Variants in ATP11A observed in about 807,000 individuals in gnomAD.
ATP11A encodes ATPase phospholipid transporting 11A.
Under a neutral mutation model 154.4 loss-of-function variants are expected in ATP11A, and 81 were observed. That is an observed-to-expected ratio of 0.52 (90% confidence interval 0.44 to 0.63). The LOEUF (loss-of-function observed/expected upper bound fraction) is 0.63. Among genes scored for constraint, ATP11A ranks in the 30% least tolerant of loss-of-function variants. The pLI, the probability that ATP11A is intolerant of heterozygous loss-of-function variation, is 0.00. For missense variants in ATP11A, 1,316 were observed against 1,474.3 expected (o/e 0.89, Z 1.76); for synonymous variants, 623 against 585.9 (o/e 1.06, Z -0.91).
intron 2 of ATP11A, among the ~76,000 whole-genome samples, chr13:112,787,424 G>T (rs1424711319): frequency 1.6e-4 from 19 of 122,304 alleles, no homozygotes; most frequent in African/African-American, 7.3e-4. Context: ...CCCCTGTGGA[G>T]ACCTACTTAA....
chr13:112,842,698 G>A (rs549226935), intron 17 of ATP11A, among the ~76,000 whole-genome samples: 1 of 152,326 alleles, frequency 6.6e-6, no homozygotes, highest in African/African-American at 2.4e-5. Flanking sequence ...GCACGTTTGT[G>A]GTTATTGTAT....
chr13:112,776,482 C>T (rs1276040649), intron 1 of ATP11A, among the ~76,000 whole-genome samples: 2 of 152,242 alleles, frequency 1.3e-5, no homozygotes, highest in Admixed American at 1.3e-4. Flanking sequence ...GCTGCCTAAA[C>T]CATCTGGATA....
intron 5 of ATP11A, among the ~76,000 whole-genome samples, chr13:112,814,103 G>T (rs578186295): frequency 1.3e-5 from 2 of 149,904 alleles, no homozygotes; most frequent in African/African-American, 2.5e-5. Flanking sequence ...TGCTCTTGTT[G>T]CCCAGGCTGG....
chr13:112,837,616 C>T (rs1245596134), intron 16 of ATP11A, among the ~76,000 whole-genome samples: 1 of 152,228 alleles, frequency 6.6e-6, no homozygotes, highest in Non-Finnish European at 1.5e-5. Context: ...AAACCAGACA[C>T]TCCCAGGCTG....
At chr13:112,710,976 C>G (rs1175993170) in intron 1 of ATP11A, among the ~76,000 whole-genome samples, 3 of 139,132 alleles carry the variant, frequency 2.2e-5, no homozygotes, top group African/African-American at 7.6e-5. Context: ...CACCCACCCA[C>G]CCACCCACCG....
chr13:112,806,054 C>T (rs934730146), intron 3 of ATP11A, among the ~76,000 whole-genome samples, 159 bp from the exon 4 acceptor site: 2 of 151,882 alleles, frequency 1.3e-5, no homozygotes, highest in East Asian at 1.9e-4. Context: ...TGAAATAGGA[C>T]GATTGACTTG....
chr13:112,700,044 ATTT>A (rs5806957), intron 1 of ATP11A, among the ~76,000 whole-genome samples: 3 of 139,856 alleles, frequency 2.1e-5, no homozygotes, highest in Non-Finnish European at 3.1e-5. Flanking sequence ...GACAAAGGTA[ATTT>A]TTTTTTTTTT....
chr13:112,881,269 C>T, intron 29 of ATP11A: 1 of 992,764 alleles, frequency 1.0e-6, no homozygotes, highest in Non-Finnish European at 1.2e-6. Flanking sequence ...CATCCGGGGC[C>T]CCAGTGGGCT....
intron 16 of ATP11A, among the ~76,000 whole-genome samples, chr13:112,841,793 G>A (rs1566558340): frequency 1.3e-5 from 2 of 152,276 alleles, no homozygotes; most frequent in Non-Finnish European, 1.5e-5. Context: ...AGCGATCACA[G>A]TGTTACTGGA....
intron 5 of ATP11A, among the ~76,000 whole-genome samples, chr13:112,812,905 C>T (rs977351616): frequency 6.6e-6 from 1 of 152,322 alleles, no homozygotes; most frequent in East Asian, 1.9e-4. Context: ...ACGCCATTTC[C>T]TTTAATGATT....
intron 26 of ATP11A, 67 bp from the exon 27 acceptor site, chr13:112,873,506 C>T: frequency 1.6e-6 from 2 of 1,260,206 alleles, no homozygotes; most frequent in Non-Finnish European, 1.1e-6. Context: ...GCTCTCTGTC[C>T]TGCCCATCAC....
intron 17 of ATP11A, among the ~76,000 whole-genome samples, chr13:112,849,989 T>A (rs1233964989): frequency 2.0e-5 from 3 of 152,196 alleles, no homozygotes; most frequent in Non-Finnish European, 4.4e-5. Flanking sequence ...CAGGCACACA[T>A]AGACCCTGTC....
intron 1 of ATP11A, among the ~76,000 whole-genome samples, chr13:112,744,095 G>A (rs558532807): frequency 1.3e-5 from 2 of 152,326 alleles, no homozygotes; most frequent in South Asian, 2.1e-4. Flanking sequence ...CCTCTTTCAC[G>A]TAAGGAAGGC....
rs542839325 is a variant in ATP11A, at chr13:112,882,349, G to T, written c.*483G>T. ...TTGCTGTCACTGGGAGAGAAGAGCC[G>T]TCCAGGGACCCATGGTGGCCCACAT... On this transcript the variant is annotated 3_prime_UTR_variant, in exon 30 of 30. Coordinates refer to ENST00000375645, the MANE Select transcript of ATP11A (RefSeq NM_015205.3). This position sits in a 1 kb window ranked among gnomAD's most constrained non-coding sequence, Gnocchi z 5.1. 3 of 370,336 alleles carry T rather than the reference G, an allele frequency of 8.1e-6. No individual in the cohort carries two copies. The highest frequency in any genetic ancestry group is 2.1e-5 in the African/African-American group (1 of 47,802). 22.9% of individuals were successfully genotyped at this position (370,336 alleles called of 1,614,324 possible).
intron 1 of ATP11A, among the ~76,000 whole-genome samples, chr13:112,764,622 AC>A (rs1258428434): frequency 3.3e-5 from 5 of 152,254 alleles, no homozygotes; most frequent in Admixed American, 3.3e-4. Flanking sequence ...GCCGAAGAGG[AC>A]CTGGAAGCCC....
chr13:112,825,373 G>C (rs2078905799), intron 10 of ATP11A, 57 bp from the exon 11 acceptor site: 1 of 1,527,166 alleles, frequency 6.5e-7, no homozygotes, highest in Admixed American at 2.0e-5. Flanking sequence ...CTGTGAGAAG[G>C]AAGTGCAGAG....
At chr13:112,771,545 T>C (rs2139947206) in intron 1 of ATP11A, among the ~76,000 whole-genome samples, 1 of 152,326 alleles carries the variant, frequency 6.6e-6, no homozygotes, top group African/African-American at 2.4e-5. Flanking sequence ...GCATACTCCT[T>C]TGGAAACTTA....
chr13:112,782,969 T>C (rs2077536315), intron 1 of ATP11A, among the ~76,000 whole-genome samples: 1 of 152,228 alleles, frequency 6.6e-6, no homozygotes, highest in Non-Finnish European at 1.5e-5. Context: ...CAGCCAAACA[T>C]CTCTGAAAAC....
At chr13:112,759,052 A>T (rs2076907854) in intron 1 of ATP11A, among the ~76,000 whole-genome samples, 1 of 152,222 alleles carries the variant, frequency 6.6e-6, no homozygotes, top group East Asian at 1.9e-4. Context: ...CATAACACCA[A>T]ATACTTCTCT....
Sources: gnomAD v4.1 joint callset for allele counts (sites outside exome capture counted in the v4.1 genomes callset) on GRCh38, gnomAD v4.1.1 for gene constraint, Gnocchi (gnomAD v3.1) non-coding constraint, MANE v1.5 for transcripts, NCBI Gene and HGNC (gene_info 2026-07-23, HGNC 2026-07-21) for gene names.